The following GOSR2 variants were observed in gnomAD, a reference collection of about 807,000 sequenced individuals.
The protein encoded by GOSR2 is golgi SNAP receptor complex member 2.
A neutral mutation model predicts 27.9 loss-of-function variants in GOSR2; 20 were observed. The observed-to-expected ratio is 0.72, with a 90% CI of 0.50 to 1.04. The LOEUF (loss-of-function observed/expected upper bound fraction) is 1.04, where lower values mean the gene tolerates loss of function less well. Ranked by LOEUF, GOSR2 falls within the 50% of genes least tolerant of loss-of-function variation. The probability of loss-of-function intolerance (pLI) is 0.00; values close to 1 mark genes in which losing one functional copy is unlikely to be tolerated. For missense variants in GOSR2, 261 were observed against 270.5 expected (o/e 0.97, Z 0.25); for synonymous variants, 91 against 98.8 (o/e 0.92, Z 0.47).
chr17:46,974,006 C>G (rs1231026774), intron 6 of GOSR2, among the ~76,000 whole-genome samples: 3 of 152,188 alleles, frequency 2.0e-5, no homozygotes, highest in Non-Finnish European at 4.4e-5. Context: ...GCCGTGCACC[C>G]CTCTATGTGA....
chr17:46,941,049 C>T lies in GOSR2; in HGVS notation c.*2289C>T. 1 of 1,083,484 alleles carries T rather than the reference C, an allele frequency of 9.2e-7. No individual in the cohort carries two copies. Among genetic ancestry groups the T allele is most frequent in the African/African-American group, 1.6e-5 (1 of 61,580 alleles). The allele number at this position is 1,083,484 out of a possible 1,614,324, so 67.1% of individuals were successfully genotyped here. ...TCTTAGGTCGAGCTGATGCAAGAAA[C>T]TCCGGTAGCCAGCCTCTGTGACCTT... On this transcript the variant is annotated 3_prime_UTR_variant, in exon 6 of 6. Transcript: ENST00000640051.
At chr17:46,924,137 A>G (rs186991094) in intron 1 of GOSR2, 56 of 329,162 alleles carry the variant, frequency 1.7e-4, no homozygotes, top group African/African-American at 1.1e-3. Flanking sequence ...TCTTCCTTCC[A>G]GAACACCTAG....
intron 3 of GOSR2, 39 bp downstream of exon 3, chr17:46,931,246 C>A: frequency 1.1e-6 from 1 of 947,840 alleles, no homozygotes; most frequent in Non-Finnish European, 1.7e-6. Flanking sequence ...ATACTCCAGG[C>A]CCATCAAGAC....
At chr17:46,951,684 G>A (rs1291049804) in intron 6 of GOSR2, among the ~76,000 whole-genome samples, 1 of 152,176 alleles carries the variant, frequency 6.6e-6, no homozygotes, top group African/African-American at 2.4e-5. Context: ...CCAGGCCAGG[G>A]TAATGCTGAC....
At chr17:46,927,061 A>C (rs773980916) in intron 1 of GOSR2, among the ~76,000 whole-genome samples, 1 of 152,210 alleles carries the variant, frequency 6.6e-6, no homozygotes, top group Non-Finnish European at 1.5e-5. Flanking sequence ...TTATTAATGC[A>C]TATGTCCCCA....
rs1353006964 is a variant in GOSR2 at position 46,939,213 on chromosome 17, A to G, written c.*453A>G. 4.7e-6 allele frequency: 5 copies of G among 1,073,430 alleles called. No homozygotes were observed. The highest frequency in any genetic ancestry group is 1.6e-5 in the African/African-American group (1 of 61,306). The allele number at this position is 1,073,430 out of a possible 1,614,324, so 66.5% of individuals were successfully genotyped here. On this transcript the variant is annotated 3_prime_UTR_variant, in exon 6 of 6. Transcript: ENST00000640051. Reference sequence around the variant, plus strand: ...AGGAAAGAGGCCTTTTCTCACAGCCATTATATTAAATAGTAGGTCGATTCA... The same window carrying G: ...AGGAAAGAGGCCTTTTCTCACAGCCGTTATATTAAATAGTAGGTCGATTCA...
chr17:46,923,509 G>A, intron 1 of GOSR2: 1 of 1,379,858 alleles, frequency 7.2e-7, no homozygotes, highest in South Asian at 1.8e-5. Flanking sequence ...GCACCTGCAG[G>A]TTATAAAACT....
chr17:46,949,733 C>T (rs1363201429), intron 6 of GOSR2, among the ~76,000 whole-genome samples: 2 of 152,168 alleles, frequency 1.3e-5, no homozygotes, highest in African/African-American at 4.8e-5. Context: ...GGCTTTTGAG[C>T]TGAATCTCAG....
In GOSR2 at chr17:46,940,994, G is replaced by C; in HGVS notation, c.*2234G>C. ...TAGGGAAGGGTCCAGGCCAGGGAAGGAGCACCCTCTAGTGGAGGCGGGGGT... is the reference window on the plus strand; with the variant it reads ...TAGGGAAGGGTCCAGGCCAGGGAAGCAGCACCCTCTAGTGGAGGCGGGGGT... On this transcript the variant is annotated 3_prime_UTR_variant, in exon 6 of 6. Coordinates refer to ENST00000640051, the MANE Select transcript of GOSR2 (RefSeq NM_004287.5). 1 of 1,164,936 alleles carries C rather than the reference G, an allele frequency of 8.6e-7. No homozygotes were observed. The highest frequency in any genetic ancestry group is 1.1e-6 in the Non-Finnish European group (1 of 933,808). 72.2% of individuals were successfully genotyped at this position (1,164,936 alleles called of 1,614,324 possible). A position where few individuals can be genotyped will look rare whatever the true frequency, so the allele number is the denominator to read the frequency against.
chr17:46,972,447 G>T (rs940779362), intron 6 of GOSR2, among the ~76,000 whole-genome samples: 14 of 152,248 alleles, frequency 9.2e-5, no homozygotes, highest in African/African-American at 3.1e-4. Context: ...GCAAAGGGTT[G>T]CACACTGGGC....
intron 6 of GOSR2, among the ~76,000 whole-genome samples, chr17:46,966,214 C>T (rs1245889471): frequency 6.6e-6 from 1 of 152,116 alleles, no homozygotes; most frequent in Non-Finnish European, 1.5e-5. Flanking sequence ...AATAATGAGA[C>T]AGAAAAATCA....
At chr17:46,948,662 G>A (rs2090103407) in intron 6 of GOSR2, 1 of 152,264 alleles carries the variant, frequency 6.6e-6, no homozygotes, top group South Asian at 2.1e-4. Flanking sequence ...GGATCAGTGA[G>A]TATGCGCAGG....
chr17:46,973,639 G>T (rs2091415638), intron 6 of GOSR2, among the ~76,000 whole-genome samples: 1 of 152,136 alleles, frequency 6.6e-6, no homozygotes, highest in Non-Finnish European at 1.5e-5. Flanking sequence ...CATCTCAGAG[G>T]CTGGGACACC....
intron 5 of GOSR2, chr17:46,936,591 GC>G: frequency 1.0e-6 from 1 of 985,490 alleles, no homozygotes; most frequent in Non-Finnish European, 1.2e-6. Flanking sequence ...GCATGAAGGG[GC>G]TAGGCTGAAG....
At chr17:46,950,444 G>C (rs1490695498) in intron 6 of GOSR2, among the ~76,000 whole-genome samples, 1 of 152,186 alleles carries the variant, frequency 6.6e-6, no homozygotes, top group Non-Finnish European at 1.5e-5. Flanking sequence ...CAGTGCCAGA[G>C]CCAAAAGCCC....
At chr17:46,952,429 A>G (rs1217564626) in intron 6 of GOSR2, among the ~76,000 whole-genome samples, 1 of 152,006 alleles carries the variant, frequency 6.6e-6, no homozygotes, top group East Asian at 1.9e-4. Context: ...CCCTATTCTC[A>G]CTAGCTACAC....
chr17:46,924,192 AC>A (rs1471319326), intron 1 of GOSR2: 29 of 234,140 alleles, frequency 1.2e-4, no homozygotes, highest in African/African-American at 2.2e-4. Context: ...TATTCTAGAT[AC>A]TTAATATAAG....
intron 6 of GOSR2, chr17:46,948,788 C>G (rs1331659770): frequency 6.6e-6 from 1 of 152,256 alleles, no homozygotes; most frequent in Non-Finnish European, 1.5e-5. Context: ...TGATTTAGGG[C>G]TCGGTGACAT....
In GOSR2 at chr17:46,929,587, G is replaced by C; in HGVS notation, c.94+3G>C. 1 of 1,437,308 alleles carries C rather than the reference G, an allele frequency of 7.0e-7. No individual in the cohort carries two copies. The highest frequency in any genetic ancestry group is 9.8e-7 in the Non-Finnish European group (1 of 1,018,344). The allele number at this position is 1,437,308 out of a possible 1,614,324, so 89.0% of individuals were successfully genotyped here. A position where few individuals can be genotyped will look rare whatever the true frequency, so the allele number is the denominator to read the frequency against. On this transcript the variant is annotated splice_donor_region_variant and intron_variant, in intron 2 of 5. Transcript: ENST00000640051. The stretch of plus-strand genomic sequence containing the variant: ...GGCAGACAAGCAGTCTGTGCACAGT[G>C]AGTAATTAACTGTGGAGACCAGAGT...
Sources: gnomAD v4.1 joint callset for allele counts (sites outside exome capture counted in the v4.1 genomes callset) on GRCh38, gnomAD v4.1.1 for gene constraint, MANE v1.5 for transcripts, NCBI Gene and HGNC (gene_info 2026-07-23, HGNC 2026-07-21) for gene names.